Variants in PDGFD observed in about 807,000 individuals in gnomAD.
PDGFD encodes the protein platelet derived growth factor D.
PDGFD carries 30 observed loss-of-function variants against 44.7 expected under a neutral mutation model. The observed-to-expected ratio is 0.67, with a 90% CI of 0.50 to 0.91. The LOEUF is 0.91. PDGFD is among the 40% of genes least tolerant of loss of function. The pLI is 0.00. For synonymous variants in PDGFD, 173 were observed against 168.4 expected, an observed-to-expected ratio of 1.03 and a Z score of -0.21; for missense variants, 445 against 457.8, an observed-to-expected ratio of 0.97 and a Z score of 0.25.
At chr11:104,056,579 C>CA (rs1207200877) in intron 1 of PDGFD, among the ~76,000 whole-genome samples, 1 of 152,024 alleles carries the variant, frequency 6.6e-6, no homozygotes, top group African/African-American at 2.4e-5. Flanking sequence ...AGTCAAGGAA[C>CA]ACCAAGGATT....
intron 5 of PDGFD, among the ~76,000 whole-genome samples, chr11:103,939,457 T>G (rs1011323126): frequency 3.9e-5 from 6 of 152,194 alleles, no homozygotes; most frequent in African/African-American, 1.4e-4. Context: ...GATTTTGGGC[T>G]GAGATGATGG....
Position 104,106,333 on chromosome 11 carries a change from A to G in PDGFD, c.124+57471T>C, listed in dbSNP as rs555680654. On this transcript the variant is annotated intron_variant, in intron 1 of 6. Coordinates refer to ENST00000393158, the MANE Select transcript of PDGFD (RefSeq NM_025208.5). The stretch of plus-strand genomic sequence containing the variant: ...AGCTCTGAGGAATGATAACAACCAC[A>G]AAGAAGTATAGCCAAACTAATACCA... Among the ~76,000 whole-genome samples the G allele has an allele frequency of 2.6e-5, 4 of 152,318 alleles. No homozygotes were observed. The East Asian group carries it at 7.7e-4, about 29-fold the overall frequency.
intron 1 of PDGFD, among the ~76,000 whole-genome samples, chr11:104,054,917 C>T (rs1353697808): frequency 6.6e-6 from 1 of 152,182 alleles, no homozygotes; most frequent in Non-Finnish European, 1.5e-5. Context: ...GGAGCAATTA[C>T]CTTAACCTTT....
At chr11:104,068,551 C>T (rs950707548) in intron 1 of PDGFD, among the ~76,000 whole-genome samples, 4 of 152,054 alleles carry the variant, frequency 2.6e-5, no homozygotes, top group African/African-American at 9.7e-5. Flanking sequence ...TACATAATTG[C>T]TACATAATCA....
chr11:104,028,241 G>T (rs1233072072), intron 1 of PDGFD, among the ~76,000 whole-genome samples: 1 of 150,724 alleles, frequency 6.6e-6, no homozygotes, highest in Non-Finnish European at 1.5e-5. Flanking sequence ...TCTTAGGAAG[G>T]CAACTTGTAT....
intron 6 of PDGFD, among the ~76,000 whole-genome samples, chr11:103,923,928 G>A (rs2134308215): frequency 6.6e-6 from 1 of 152,292 alleles, no homozygotes; most frequent in East Asian, 1.9e-4. Context: ...TTCAAAGGAT[G>A]CCAATGTTTC....
At position 103,992,335 on chromosome 11, in the gene PDGFD, G is replaced by A. The variant is rs191110579; in HGVS notation, c.510+3730C>T. 1.2e-3 allele frequency among the ~76,000 whole-genome samples: 184 copies of A among 152,268 alleles called. 2 individuals are homozygous for A. Among genetic ancestry groups the A allele is most frequent in the Non-Finnish European group, 4.4e-4 (30 of 68,020 alleles). Reference sequence around the variant, plus strand: ...ATACACATCCCAACTTCAACAAGCAGATAAGCGTGTATCTGGAGGAGACAG... The same window carrying A: ...ATACACATCCCAACTTCAACAAGCAAATAAGCGTGTATCTGGAGGAGACAG... On this transcript the variant is annotated intron_variant, in intron 3 of 6. Transcript: ENST00000393158.
At chr11:104,147,019 AT>A (rs1238485107) in intron 1 of PDGFD, among the ~76,000 whole-genome samples, 5 of 151,844 alleles carry the variant, frequency 3.3e-5, no homozygotes, top group South Asian at 2.1e-4. Context: ...AAAAAAAAAA[AT>A]AGTTGTTTTA....
chr11:103,993,024 T>C (rs1312823486), intron 3 of PDGFD, among the ~76,000 whole-genome samples: 1 of 152,084 alleles, frequency 6.6e-6, no homozygotes, highest in Non-Finnish European at 1.5e-5. Context: ...CTCTTCATTT[T>C]CCAAGAGCAC....
intron 1 of PDGFD, among the ~76,000 whole-genome samples, chr11:104,147,240 T>C (rs1306856642): frequency 6.6e-6 from 1 of 152,112 alleles, no homozygotes; most frequent in African/African-American, 2.4e-5. Context: ...CAGCATAAGA[T>C]ATCAAAATGG....
chr11:104,125,581 C>T (rs1861830995), intron 1 of PDGFD, among the ~76,000 whole-genome samples: 1 of 152,000 alleles, frequency 6.6e-6, no homozygotes, highest in African/African-American at 2.4e-5. Context: ...ATTATATGTA[C>T]TCAGACCTAG....
At chr11:103,937,897 G>A (rs1858517808) in intron 5 of PDGFD, among the ~76,000 whole-genome samples, 1 of 151,688 alleles carries the variant, frequency 6.6e-6, no homozygotes, top group Non-Finnish European at 1.5e-5. Context: ...CATTTTTTAT[G>A]GCTGCATAGT....
At chr11:103,936,056 A>G (rs1858483596) in intron 5 of PDGFD, among the ~76,000 whole-genome samples, 1 of 152,180 alleles carries the variant, frequency 6.6e-6, no homozygotes, top group Non-Finnish European at 1.5e-5. Flanking sequence ...TCACTTGGTA[A>G]AGGTACCAAA....
chr11:104,024,136 T>C (rs1190411956), intron 1 of PDGFD, among the ~76,000 whole-genome samples: 2 of 152,152 alleles, frequency 1.3e-5, no homozygotes, highest in African/African-American at 4.8e-5. Flanking sequence ...AAAGGTCTCA[T>C]AAAATGTATA....
intron 3 of PDGFD, among the ~76,000 whole-genome samples, chr11:103,949,970 G>A (rs763377149): frequency 6.6e-6 from 1 of 152,112 alleles, no homozygotes; most frequent in Non-Finnish European, 1.5e-5. Context: ...ACAACTTACT[G>A]GGGAAACTAT....
At position 104,135,713 on chromosome 11, in the gene PDGFD, C is replaced by A. The variant is rs547481933; in HGVS notation, c.124+28091G>T. ...TGGGAAATCTCAGTTCATATGGGTG[C>A]CATTCACCAAGATAGAGTGCCAAAG... On this transcript the variant is annotated intron_variant, in intron 1 of 6. Coordinates refer to ENST00000393158, the MANE Select transcript of PDGFD (RefSeq NM_025208.5). 4.6e-5 allele frequency among the ~76,000 whole-genome samples: 7 copies of A among 152,156 alleles called. No homozygotes were observed. In the East Asian group the frequency reaches 1.4e-3, roughly 29 times the overall value.
intron 1 of PDGFD, among the ~76,000 whole-genome samples, chr11:104,016,969 C>T (rs1859867098): frequency 6.6e-6 from 1 of 152,058 alleles, no homozygotes; most frequent in Non-Finnish European, 1.5e-5. Context: ...TGTTTGTGTC[C>T]CCTCCAAATT....
At chr11:103,998,785 G>T (rs1289231997) in intron 2 of PDGFD, among the ~76,000 whole-genome samples, 29 of 152,112 alleles carry the variant, frequency 1.9e-4, no homozygotes, top group Admixed American at 1.9e-3. Context: ...CTGATTCCAG[G>T]TAGTGTCTGA....
chr11:103,993,596 C>T (rs1260068711), intron 3 of PDGFD, among the ~76,000 whole-genome samples: 1 of 151,960 alleles, frequency 6.6e-6, no homozygotes, highest in Non-Finnish European at 1.5e-5. Context: ...GTTTATAAAC[C>T]CTGCTTTAAA....
Sources: gnomAD v4.1 joint callset for allele counts (sites outside exome capture counted in the v4.1 genomes callset) on GRCh38, gnomAD v4.1.1 for gene constraint, MANE v1.5 for transcripts, NCBI Gene and HGNC (gene_info 2026-07-23, HGNC 2026-07-21) for gene names.